The following USP33 variants were observed in gnomAD, a reference collection of about 807,000 sequenced individuals.
The protein encoded by USP33 is ubiquitin specific peptidase 33.
USP33 carries 46 observed loss-of-function variants against 124.2 expected under a neutral mutation model. That is an observed-to-expected ratio of 0.37 (90% CI 0.29 to 0.47). The LOEUF (loss-of-function observed/expected upper bound fraction) is 0.47. USP33 is among the 20% of genes least tolerant of loss of function. The probability of loss-of-function intolerance (pLI) is 0.99; values close to 1 mark genes in which losing one functional copy is unlikely to be tolerated. For synonymous variants in USP33, 350 were observed against 352.3 expected, an observed-to-expected ratio of 0.99 and a Z score of 0.07; for missense variants, 851 against 1,070.6, an observed-to-expected ratio of 0.79 and a Z score of 2.86.
At chr1:77,701,544 C>T in intron 21 of USP33, 73 bp from the exon 22 acceptor site, 1 of 1,256,404 alleles carries the variant, frequency 8.0e-7, no homozygotes, top group Non-Finnish European at 1.1e-6. Context: ...CATCATTCCA[C>T]TTCAGTGTTT....
intron 5 of USP33, among the ~76,000 whole-genome samples, chr1:77,738,192 C>T (rs1678698992): frequency 6.6e-6 from 1 of 152,140 alleles, no homozygotes; most frequent in Non-Finnish European, 1.5e-5. Flanking sequence ...CAAATATCTA[C>T]CATAAGAATG....
At chr1:77,704,889 A>G (rs278842) in intron 21 of USP33, among the ~76,000 whole-genome samples, 63,908 of 151,968 alleles carry the variant, frequency 0.42, 15,694 homozygotes, top group African/African-American at 0.68. Flanking sequence ...ATACCTTTAT[A>G]CTTGCTGCCT....
chr1:77,701,478 G>C lies in USP33; in HGVS notation c.2407-7C>G. The C allele has an allele frequency of 6.2e-7, 1 of 1,602,670 alleles. No individual in the cohort carries two copies. The highest frequency in any genetic ancestry group is 8.5e-7 in the Non-Finnish European group (1 of 1,174,770). ...TTTGGAACGCTCTGTTAAGCTACAA[G>C]GGGGAAAAAAAACAGTCATCTAATA... On this transcript the variant is annotated splice_region_variant and splice_polypyrimidine_tract_variant and intron_variant, in intron 21 of 23. Coordinates refer to ENST00000370794, the MANE Select transcript of USP33 (RefSeq NM_201624.3).
rs1205610807 is a variant in USP33 at position 77,697,257 on chromosome 1, T to C, written c.*60A>G. 2.9e-6 allele frequency: 4 copies of C among 1,398,830 alleles called. No homozygotes were observed. The highest frequency in any genetic ancestry group is 3.8e-6 in the Non-Finnish European group (4 of 1,049,166). The allele number at this position is 1,398,830 out of a possible 1,614,324, so 86.7% of individuals were successfully genotyped here. On this transcript the variant is annotated 3_prime_UTR_variant, in exon 24 of 24. Coordinates refer to ENST00000370794, the MANE Select transcript of USP33 (RefSeq NM_201624.3). ...ACACGCTTTTAGGAATGTTTTCGCA[T>C]GTGTACATGTCAGGGCACATGAAAA... is the stretch of plus-strand genomic sequence containing the variant.
intron 1 of USP33, among the ~76,000 whole-genome samples, chr1:77,743,040 T>C (rs1679311334): frequency 6.6e-6 from 1 of 152,082 alleles, no homozygotes; most frequent in Admixed American, 6.5e-5. Context: ...CCTCCCAGGT[T>C]CAAGTGATTC....
At position 77,697,261 on chromosome 1, in the gene USP33, T is replaced by C; in HGVS notation, c.*56A>G. 6.9e-7 allele frequency: 1 copy of C among 1,458,366 alleles called. No homozygotes were observed. The highest frequency in any genetic ancestry group is 9.2e-7 in the Non-Finnish European group (1 of 1,086,284). 90.3% of individuals were successfully genotyped at this position (1,458,366 alleles called of 1,614,324 possible). ...GCTTTTAGGAATGTTTTCGCATGTG[T>C]ACATGTCAGGGCACATGAAAATGAT... On this transcript the variant is annotated 3_prime_UTR_variant, in exon 24 of 24. Transcript: ENST00000370794.
Position 77,710,613 on chromosome 1 carries a change from A to G in USP33, c.2406+1134T>C, listed in dbSNP as rs867594724. ...TTTACTTTACTTTAGGCAAGGGCAC[A>G]AAAAAAGCCCTGAATCAATGAGGAA... On this transcript the variant is annotated intron_variant, in intron 21 of 23. Coordinates refer to ENST00000370794, the MANE Select transcript of USP33 (RefSeq NM_201624.3). Among the ~76,000 whole-genome samples, 9 of 152,190 alleles carry G rather than the reference A, an allele frequency of 5.9e-5. No individual in the cohort carries two copies. The South Asian group carries it at 1.4e-3, about 25-fold the overall frequency.
intron 1 of USP33, among the ~76,000 whole-genome samples, chr1:77,757,452 T>C (rs1451628141): frequency 1.3e-5 from 2 of 152,360 alleles, no homozygotes; most frequent in Middle Eastern, 6.8e-3. Context: ...TCATGTGCCT[T>C]TTTATAGATA....
In USP33 at chr1:77,717,948, G is replaced by A. The variant is rs1466001226; in HGVS notation, c.1837C>T (p.Pro613Ser). 6.2e-7 allele frequency: 1 copy of A among 1,613,928 alleles called. No individual in the cohort carries two copies. Among genetic ancestry groups the A allele is most frequent in the Admixed American group, 1.7e-5 (1 of 60,000 alleles). ...GCTGGACTATCCTTAGCAAGAAATG[G>A]CTGAAGATCCAAGCCTTCTAGCGGA... is the stretch of plus-strand genomic sequence containing the variant. The part of the protein sequence containing the change: ...SFPLEGLDLQ[P>S]FLAKDSPAQI... Residue 613 changes from proline to serine, a missense_variant, in exon 17 of 24, where the codon CCA becomes TCA. Coordinates refer to ENST00000370794, the MANE Select transcript of USP33 (RefSeq NM_201624.3).
At chr1:77,729,596 G>T (rs564497791) in intron 9 of USP33, among the ~76,000 whole-genome samples, 1 of 151,972 alleles carries the variant, frequency 6.6e-6, no homozygotes, top group South Asian at 2.1e-4. Flanking sequence ...GCTTGAATTC[G>T]GGAGGTGGAG....
rs1678419412 is a variant in USP33, at chr1:77,736,143, T to A, written c.367A>T (p.Ser123Cys). The part of the protein sequence containing the change: ...ENSVQDFKIP[S>C]NTTLKTPLVA... ...AGAGGAGTTTTTAATGTTGTATTACTGGGTATTTTAAAATCCTTGATAACA... is the reference window on the plus strand; with the variant it reads ...AGAGGAGTTTTTAATGTTGTATTACAGGGTATTTTAAAATCCTTGATAACA... Residue 123 changes from serine to cysteine, a missense_variant, in exon 6 of 24, where the codon AGT becomes TGT. By Grantham distance (112) the Ser-to-Cys change is moderately radical (BLOSUM62 -1). This residue lies in a region of USP33 where 221 missense variants were observed against 302.9 expected (regional missense o/e 0.73). Transcript: ENST00000370794. 2 of 1,610,362 alleles carry A rather than the reference T, an allele frequency of 1.2e-6. No individual in the cohort carries two copies. The highest frequency in any genetic ancestry group is 2.2e-5 in the East Asian group (1 of 44,786).
Position 77,759,794 on chromosome 1 carries a change from G to A in USP33, c.-203C>T. On this transcript the variant is annotated 5_prime_UTR_variant, in exon 1 of 24. Coordinates refer to ENST00000370794, the MANE Select transcript of USP33 (RefSeq NM_201624.3). Reference sequence around the variant, plus strand: ...ACGGCCCCGCAGCGCTGCCCTCGGGGGGTCCGCCTCCTGAACTGGCCACTT... The same window carrying A: ...ACGGCCCCGCAGCGCTGCCCTCGGGAGGTCCGCCTCCTGAACTGGCCACTT... 2.5e-6 allele frequency: 1 copy of A among 397,702 alleles called. No individual in the cohort carries two copies. The highest frequency in any genetic ancestry group is 4.4e-6 in the Non-Finnish European group (1 of 225,448). The allele number at this position is 397,702 out of a possible 1,614,324, so 24.6% of individuals were successfully genotyped here.
chr1:77,725,384 G>GC (rs565756996), intron 11 of USP33, among the ~76,000 whole-genome samples: 3 of 152,166 alleles, frequency 2.0e-5, no homozygotes, highest in Non-Finnish European at 4.4e-5. Context: ...AATCTATGCT[G>GC]CAAGTGTTAA....
chr1:77,743,428 G>A (rs531729508), intron 1 of USP33, among the ~76,000 whole-genome samples: 6 of 152,166 alleles, frequency 3.9e-5, no homozygotes, highest in African/African-American at 1.4e-4. Flanking sequence ...CTATTACGCT[G>A]CAACACACAA....
chr1:77,717,685 T>A, intron 17 of USP33, 182 bp downstream of exon 17: 1 of 374,892 alleles, frequency 2.7e-6, no homozygotes, highest in Non-Finnish European at 4.6e-6. Context: ...TTTATTTATT[T>A]ATTTTGTAGA....
At chr1:77,728,801 T>C in intron 9 of USP33, 89 bp from the exon 10 acceptor site, 4 of 1,386,692 alleles carry the variant, frequency 2.9e-6, no homozygotes, top group Non-Finnish European at 3.9e-6. Context: ...ATTACAAACT[T>C]ATATATGAAG....
chr1:77,715,802 C>G lies in USP33; in HGVS notation c.1985G>C (p.Ser662Thr). The change falls in exon 18 of 24, where the codon AGT (serine) becomes ACT (threonine). Residue 662 changes from serine to threonine, a missense_variant. Ser to Thr is a moderately conservative substitution (Grantham distance 58, BLOSUM62 1). Transcript: ENST00000370794. ...NNLWYEFDDQ[S>T]VTEVSESTVQ... ...AGTAGATTCTGAAACTTCAGTGACA[C>G]TCTGATCATCAAATTCATACCAGAG... 2.5e-6 allele frequency: 4 copies of G among 1,614,024 alleles called. No individual in the cohort carries two copies. Among genetic ancestry groups the G allele is most frequent in the Non-Finnish European group, 3.4e-6 (4 of 1,179,962 alleles).
intron 1 of USP33, among the ~76,000 whole-genome samples, chr1:77,750,871 T>G (rs549931388): frequency 2.2e-4 from 33 of 152,280 alleles, no homozygotes; most frequent in Non-Finnish European, 4.1e-4. Context: ...AAATGTTTAT[T>G]GAGGGTAGGG....
intron 17 of USP33, 122 bp from the exon 18 acceptor site, chr1:77,715,990 A>T: frequency 1.9e-6 from 2 of 1,077,874 alleles, no homozygotes; most frequent in Non-Finnish European, 2.5e-6. Context: ...TTATGCTTGT[A>T]TTTTTTTTTC....
Sources: gnomAD v4.1 joint callset for allele counts (sites outside exome capture counted in the v4.1 genomes callset) on GRCh38, gnomAD v4.1.1 for gene constraint, gnomAD v4.1.1 regional missense constraint, MANE v1.5 for transcripts, NCBI Gene and HGNC (gene_info 2026-07-23, HGNC 2026-07-21) for gene names.